Variants in ZNF653 observed in about 807,000 individuals in gnomAD.
ZNF653 encodes the protein zinc finger protein 653.
A neutral mutation model predicts 59.9 loss-of-function variants in ZNF653; 37 were observed. The ratio of observed to expected loss-of-function variants is 0.62; its 90% CI spans 0.48 to 0.81. ZNF653 has a LOEUF of 0.81. ZNF653 is among the 40% of genes least tolerant of loss of function. The pLI, the probability that ZNF653 is intolerant of heterozygous loss-of-function variation, is 0.00. For missense variants in ZNF653, 808 were observed against 881.1 expected, an observed-to-expected ratio of 0.92 and a Z score of 1.05; for synonymous variants, 435 against 371.8, an observed-to-expected ratio of 1.17 and a Z score of -1.96.
In ZNF653 at chr19:11,487,102, C is replaced by T. The variant is rs1410302702; in HGVS notation, c.1228G>A (p.Glu410Lys). ...CTCTCAGGCACCGTTGTTGCCAGCT[C>T]CGGGGCTACTGGCTCCTCCTTCTCC... is the stretch of plus-strand genomic sequence containing the variant. ...KEEKEEPVAP[E>K]LATTVPESAE... The change falls in exon 5 of 9, where the codon GAG (glutamate) becomes AAG (lysine). Residue 410 changes from glutamate to lysine, a missense_variant. Physicochemically the swap from Glu to Lys is moderately conservative, Grantham distance 56. Transcript: ENST00000293771. This position sits in a 1 kb window ranked among gnomAD's most constrained non-coding sequence, Gnocchi z 5.1. 2 of 1,613,676 alleles carry T rather than the reference C, an allele frequency of 1.2e-6. No homozygotes were observed. The highest frequency in any genetic ancestry group is 1.3e-5 in the African/African-American group (1 of 74,944).
intron 7 of ZNF653, among the ~76,000 whole-genome samples, chr19:11,484,804 C>G (rs1971447695): frequency 6.6e-6 from 1 of 151,812 alleles, no homozygotes; most frequent in African/African-American, 2.4e-5. Flanking sequence ...ATAATCCCAG[C>G]ACTTAGGGAG....
intron 3 of ZNF653, among the ~76,000 whole-genome samples, chr19:11,494,658 A>G (rs911596486): frequency 6.6e-6 from 1 of 152,250 alleles, no homozygotes; most frequent in African/African-American, 2.4e-5. Flanking sequence ...ATTGCACTCC[A>G]GCCTGGGCGA....
chr19:11,502,758 G>A (rs1971660179), intron 1 of ZNF653, among the ~76,000 whole-genome samples: 1 of 152,230 alleles, frequency 6.6e-6, no homozygotes, highest in Admixed American at 6.5e-5. Context: ...ACCCCGCCGG[G>A]CGCAGTGGCT....
rs1054792439 is a variant in ZNF653, at chr19:11,495,140, G to A, written c.559+810C>T. On this transcript the variant is annotated intron_variant, in intron 3 of 8. Transcript: ENST00000293771. The surrounding 1 kb of genome is among the most constrained non-coding windows in gnomAD (Gnocchi z 4.9). ...TGGTGACCGCCCCACCCTCAGCCCT[G>A]ACAGGACGCCTGGCAGTGTGCCCTA... 3.9e-5 allele frequency among the ~76,000 whole-genome samples: 6 copies of A among 152,114 alleles called. No homozygotes were observed. The highest frequency in any genetic ancestry group is 1.9e-4 in the East Asian group (1 of 5,178).
intron 3 of ZNF653, among the ~76,000 whole-genome samples, chr19:11,494,152 C>T (rs141476332): frequency 1.5e-4 from 23 of 152,050 alleles, no homozygotes; most frequent in Non-Finnish European, 2.2e-4. Context: ...TGAAAACCCA[C>T]GTCTACTAAA....
chr19:11,486,198 A>G (rs1039558273), intron 6 of ZNF653, among the ~76,000 whole-genome samples: 1 of 152,104 alleles, frequency 6.6e-6, no homozygotes, highest in African/African-American at 2.4e-5. Context: ...TGACCTCGTG[A>G]TCCGCCCACC....
chr19:11,494,984 G>C (rs938238338), intron 3 of ZNF653, among the ~76,000 whole-genome samples: 2 of 152,216 alleles, frequency 1.3e-5, no homozygotes, highest in African/African-American at 4.8e-5. Flanking sequence ...TGCACGCTGA[G>C]AGCCTGGCCG....
In ZNF653 at chr19:11,498,341, T is replaced by G. The variant is rs1288450678; in HGVS notation, c.300-2A>C. The G allele has an allele frequency of 1.2e-6, 2 of 1,614,040 alleles. No individual in the cohort carries two copies. The highest frequency in any genetic ancestry group is 1.7e-6 in the Non-Finnish European group (2 of 1,179,914). On this transcript the variant is annotated splice_acceptor_variant, in intron 1 of 8. Coordinates refer to ENST00000293771, the MANE Select transcript of ZNF653 (RefSeq NM_138783.4). LOFTEE classifies it high-confidence loss of function. ...TTGGGGACCTGCTCCCAAGGCTTCC[T>G]GCAACAGAAAGAGGCAGAGAGGGTG...
chr19:11,485,605 C>T lies in ZNF653; in HGVS notation c.1570+51G>A, dbSNP rs766694208. The T allele has an allele frequency of 2.0e-6, 3 of 1,485,440 alleles. No homozygotes were observed. In the South Asian group the frequency reaches 3.4e-5, roughly 17 times the overall value. 92.0% of individuals were successfully genotyped at this position (1,485,440 alleles called of 1,614,324 possible). A position where few individuals can be genotyped will look rare whatever the true frequency, so the allele number is the denominator to read the frequency against. On this transcript the variant is annotated intron_variant, in intron 7 of 8. Transcript: ENST00000293771. ...GCCAGCTCTGGCCCAGGCTCCCAGG[C>T]CCATGTCCCTGTGTCCCCCGCTCAT... is the stretch of plus-strand genomic sequence containing the variant.
chr19:11,502,643 C>T (rs1442294245), intron 1 of ZNF653, among the ~76,000 whole-genome samples: 1 of 151,928 alleles, frequency 6.6e-6, no homozygotes, highest in Non-Finnish European at 1.5e-5. Context: ...CCAGCCTGGG[C>T]AATATAGCAA....
chr19:11,496,259 G>A, intron 2 of ZNF653, 94 bp from the exon 3 acceptor site: 1 of 1,251,616 alleles, frequency 8.0e-7, no homozygotes, highest in Non-Finnish European at 1.1e-6. Context: ...TGGGTCCCAT[G>A]GGTTTGGAGG....
rs1378761877 is a variant in ZNF653, at chr19:11,487,179, G to A, written c.1172-21C>T. 1.2e-6 allele frequency: 2 copies of A among 1,608,660 alleles called. No individual in the cohort carries two copies. The highest frequency in any genetic ancestry group is 2.7e-5 in the African/African-American group (2 of 75,008). ...CTTCTCTACAGGGTGGACACAGGGT[G>A]GTGTCCGCAGGGGACGAAGGCTGCC... is the stretch of plus-strand genomic sequence containing the variant. On this transcript the variant is annotated intron_variant, in intron 4 of 8. Coordinates refer to ENST00000293771, the MANE Select transcript of ZNF653 (RefSeq NM_138783.4). The surrounding 1 kb of genome is among the most constrained non-coding windows in gnomAD (Gnocchi z 5.1).
chr19:11,483,957 T>C, intron 8 of ZNF653, 85 bp downstream of exon 8: 4 of 1,523,260 alleles, frequency 2.6e-6, no homozygotes, highest in African/African-American at 1.4e-5. Flanking sequence ...GCCCAGACAC[T>C]GCGTTGGGGC....
At chr19:11,499,529 C>T (rs1481877023) in intron 1 of ZNF653, among the ~76,000 whole-genome samples, 2 of 150,558 alleles carry the variant, frequency 1.3e-5, no homozygotes, top group Non-Finnish European at 2.9e-5. Flanking sequence ...CTTTGGGAGG[C>T]TGAGGCAGGA....
At chr19:11,503,327 T>C (rs1418006610) in intron 1 of ZNF653, among the ~76,000 whole-genome samples, 1 of 152,168 alleles carries the variant, frequency 6.6e-6, no homozygotes, top group Non-Finnish European at 1.5e-5. Flanking sequence ...CCTCAACTCT[T>C]CCCCAGAGAT....
chr19:11,504,441 C>T (rs980237745), intron 1 of ZNF653: 1 of 803,896 alleles, frequency 1.2e-6, no homozygotes, highest in Non-Finnish European at 1.5e-6. Flanking sequence ...AAAAAAACCC[C>T]CCAGACCTTT....
chr19:11,487,801 G>C lies in ZNF653; in HGVS notation c.662C>G (p.Ala221Gly). The C allele has an allele frequency of 1.2e-6, 2 of 1,612,220 alleles. No homozygotes were observed. Among genetic ancestry groups the C allele is most frequent in the Non-Finnish European group, 1.7e-6 (2 of 1,179,490 alleles). Residue 221 changes from alanine to glycine, a missense_variant, in exon 4 of 9, where the codon GCG becomes GGG. Coordinates refer to ENST00000293771, the MANE Select transcript of ZNF653 (RefSeq NM_138783.4). The surrounding 1 kb of genome is among the most constrained non-coding windows in gnomAD (Gnocchi z 5.1). ...GCTGGTGGGCGTCGCTGCCGCTGCCGCTGCCGCAGCCTTGACCGGCTGGCC... is the reference window on the plus strand; with the variant it reads ...GCTGGTGGGCGTCGCTGCCGCTGCCCCTGCCGCAGCCTTGACCGGCTGGCC... ...PEGQPVKAAA[A>G]AAAATPTSPV...
chr19:11,486,859 C>A lies in ZNF653; in HGVS notation c.1365G>T (p.Ser455=). 6.2e-7 allele frequency: 1 copy of A among 1,611,114 alleles called. No individual in the cohort carries two copies. Among genetic ancestry groups the A allele is most frequent in the Non-Finnish European group, 8.5e-7 (1 of 1,178,746 alleles). Residue 455 remains serine (S), a synonymous_variant, in exon 6 of 9, where the codon TCG becomes TCT. Coordinates refer to ENST00000293771, the MANE Select transcript of ZNF653 (RefSeq NM_138783.4). The part of the protein sequence containing the change: ...EPEKRRRSKR[S]RVMDADGLLE... ...GCAGGCCGTCAGCATCCATCACCCG[C>A]GACCGCTTGCTCCGCCGCCTCCTGG...
rs1242364497 is a variant in ZNF653 at position 11,495,841 on chromosome 19, A to G, written c.559+109T>C. The G allele has an allele frequency of 8.4e-7, 1 of 1,194,818 alleles. No individual in the cohort carries two copies. Among genetic ancestry groups the G allele is most frequent in the African/African-American group, 1.5e-5 (1 of 66,168 alleles). 74.0% of individuals were successfully genotyped at this position (1,194,818 alleles called of 1,614,324 possible). A position where few individuals can be genotyped will look rare whatever the true frequency, so the allele number is the denominator to read the frequency against. On this transcript the variant is annotated intron_variant, in intron 3 of 8. Transcript: ENST00000293771. This position sits in a 1 kb window ranked among gnomAD's most constrained non-coding sequence, Gnocchi z 4.9. ...CCTGCTCTGCCCCAGTGCCAGAGCCAGAGCCAGAGCCACTGTGGCTGCTAT... is the reference window on the plus strand; with the variant it reads ...CCTGCTCTGCCCCAGTGCCAGAGCCGGAGCCAGAGCCACTGTGGCTGCTAT...
Sources: allele counts gnomAD v4.1 joint callset (sites outside exome capture counted in the v4.1 genomes callset), GRCh38; gene constraint gnomAD v4.1.1; non-coding constraint Gnocchi (gnomAD v3.1); transcripts MANE v1.5; gene names NCBI Gene and HGNC (gene_info 2026-07-23, HGNC 2026-07-21).